The following TPP2 variants were observed in gnomAD, a reference collection of about 807,000 sequenced individuals.
TPP2 encodes tripeptidyl peptidase 2, also known as tripeptidyl-peptidase 2.
A neutral mutation model predicts 155.9 loss-of-function variants in TPP2; 34 were observed. The observed-to-expected ratio is 0.22, with a 90% CI of 0.17 to 0.29. TPP2 has a LOEUF of 0.29. TPP2 is among the 10% of genes least tolerant of loss of function. TPP2 has a pLI of 1.00. For missense variants in TPP2, 1,028 were observed against 1,522.3 expected (o/e 0.68, Z 5.40); for synonymous variants, 510 against 529.4 (o/e 0.96, Z 0.50).
intron 27 of TPP2, among the ~76,000 whole-genome samples, chr13:102,669,518 G>T (rs573992273): frequency 3.9e-5 from 6 of 152,296 alleles, no homozygotes; most frequent in Admixed American, 1.3e-4. Flanking sequence ...GTGAGAATTG[G>T]TATCAACGGA....
At chr13:102,642,344 A>G (rs1402977182) in intron 16 of TPP2, among the ~76,000 whole-genome samples, 1 of 152,116 alleles carries the variant, frequency 6.6e-6, no homozygotes, top group Non-Finnish European at 1.5e-5. Flanking sequence ...ATACAAATCT[A>G]TGGTTAATTA....
intron 6 of TPP2, among the ~76,000 whole-genome samples, chr13:102,624,852 CTTTTTTTTTTTTTTTTT>C (rs1029486604): frequency 3.6e-5 from 3 of 83,426 alleles, no homozygotes; most frequent in African/African-American, 1.6e-4. Flanking sequence ...TTTTTTTTTC[CTTTTTTTTTTTTTTTTT>C]TTTTTTTGAG....
intron 1 of TPP2, among the ~76,000 whole-genome samples, chr13:102,603,677 T>C (rs878945651): frequency 2.0e-5 from 3 of 152,198 alleles, no homozygotes; most frequent in South Asian, 2.1e-4. Flanking sequence ...CATGAATACA[T>C]TGATGGGCTT....
Position 102,674,368 on chromosome 13 carries a change from G to T in TPP2, c.3457G>T (p.Ala1153Ser). 1 of 1,613,936 alleles carries T rather than the reference G, an allele frequency of 6.2e-7. No homozygotes were observed. The highest frequency in any genetic ancestry group is 8.5e-7 in the Non-Finnish European group (1 of 1,179,856). ...ALADHLLHTQ[A>S]QDGAISTDAE... is the part of the protein sequence containing the mutation. ...GGCAGACCATCTTCTTCACACCCAG[G>T]CTCAAGACGGAGCCATTTCCACTGA... Residue 1153 changes from alanine (A) to serine (S), a missense_variant, in exon 28 of 30, where the codon GCT (alanine) becomes TCT (serine). By Grantham distance (99) the Ala-to-Ser change is moderately conservative (BLOSUM62 1). This residue lies in a region of TPP2 where 116 missense variants were observed against 117.3 expected (regional missense o/e 0.99). Transcript: ENST00000376052.
Position 102,646,534 on chromosome 13 carries a change from C to T in TPP2, c.2490+144C>T. 4 of 572,340 alleles carry T rather than the reference C, an allele frequency of 7.0e-6. No homozygotes were observed. The South Asian group carries it at 1.1e-4, about 15-fold the overall frequency. 35.5% of individuals were successfully genotyped at this position (572,340 alleles called of 1,614,324 possible). A position where few individuals can be genotyped will look rare whatever the true frequency, so the allele number is the denominator to read the frequency against. On this transcript the variant is annotated intron_variant, in intron 20 of 29. Transcript: ENST00000376052. ...GATTAACAGTTAATTTGGAATTACT[C>T]TTTAGGAAATTATAATTTGTAATTA...
rs1342878305 is a variant in TPP2, at chr13:102,679,664, G to C, written c.*1348G>C. On this transcript the variant is annotated 3_prime_UTR_variant, in exon 30 of 30. Transcript: ENST00000376052. ...TAGGGTCCAAAGTCTATCCATGAAAGCTACATGCATGTTCTCTCTCACACA... is the reference window on the plus strand; with the variant it reads ...TAGGGTCCAAAGTCTATCCATGAAACCTACATGCATGTTCTCTCTCACACA... The C allele has an allele frequency of 6.6e-6, 1 of 152,192 alleles. No individual in the cohort carries two copies. The highest frequency in any genetic ancestry group is 1.5e-5 in the Non-Finnish European group (1 of 68,048). The allele number at this position is 152,192 out of a possible 1,614,324, so 9.4% of individuals were successfully genotyped here.
At chr13:102,660,703 C>T (rs1166061252) in intron 25 of TPP2, among the ~76,000 whole-genome samples, 1 of 152,160 alleles carries the variant, frequency 6.6e-6, no homozygotes, top group African/African-American at 2.4e-5. Context: ...CAAAGTAGGG[C>T]TCACACTTCC....
intron 6 of TPP2, among the ~76,000 whole-genome samples, chr13:102,624,132 G>A (rs1170715642): frequency 6.6e-6 from 1 of 152,108 alleles, no homozygotes; most frequent in Non-Finnish European, 1.5e-5. Flanking sequence ...GATAAAACTT[G>A]TAAAATTCTA....
At chr13:102,635,813 G>A in intron 12 of TPP2, 111 bp downstream of exon 12, 1 of 801,934 alleles carries the variant, frequency 1.2e-6, no homozygotes, top group Non-Finnish European at 2.0e-6. Context: ...TCTGAATTAT[G>A]GATTATATGG....
intron 2 of TPP2, 146 bp from the exon 3 acceptor site, chr13:102,613,955 A>T: frequency 5.1e-6 from 3 of 587,814 alleles, no homozygotes; most frequent in Non-Finnish European, 8.8e-6. Flanking sequence ...AACTACTTAG[A>T]GTATTAAACA....
chr13:102,638,274 T>A lies in TPP2; in HGVS notation c.1872T>A (p.Gly624=). Residue 624 remains glycine, a synonymous_variant, in exon 15 of 30, where the codon GGT becomes GGA. Coordinates refer to ENST00000376052, the MANE Select transcript of TPP2 (RefSeq NM_001330588.2). ...CGYDIASPNA[G]PLFRVPITAV... is the part of the protein sequence containing the mutation. ...ATGATATAGCATCCCCTAACGCAGG[T>A]CCGCTCTTCAGAGTTCCGATCACTG... 6.2e-7 allele frequency: 1 copy of A among 1,613,014 alleles called. No homozygotes were observed.
At chr13:102,606,604 C>A (rs922847176) in intron 2 of TPP2, among the ~76,000 whole-genome samples, 6 of 152,216 alleles carry the variant, frequency 3.9e-5, no homozygotes, top group African/African-American at 1.4e-4. Context: ...AAAGAACTCA[C>A]CTGATTAGTT....
rs193179050 is a variant in TPP2, at chr13:102,631,097, A to G, written c.1244+902A>G. Among the ~76,000 whole-genome samples the G allele has an allele frequency of 3.2e-3, 484 of 152,318 alleles. 4 individuals are homozygous for G. Among genetic ancestry groups the G allele is most frequent in the African/African-American group, 0.011 (463 of 41,566 alleles). On this transcript the variant is annotated intron_variant, in intron 10 of 29. Coordinates refer to ENST00000376052, the MANE Select transcript of TPP2 (RefSeq NM_001330588.2). ...GTTCTATATGCCAAGAATAACATGA[A>G]CCCAAAGATGAGCAGGTTTCAGTGT...
At position 102,644,614 on chromosome 13, in the gene TPP2, A is replaced by C. The variant is rs748661296; in HGVS notation, c.2233A>C (p.Asn745His). 2 of 1,613,272 alleles carry C rather than the reference A, an allele frequency of 1.2e-6. No homozygotes were observed. The highest frequency in any genetic ancestry group is 1.1e-5 in the South Asian group (1 of 90,822). The change falls in exon 18 of 30, where the codon AAC (asparagine) becomes CAC (histidine). Residue 745 changes from asparagine to histidine, a missense_variant. Asn to His is a moderately conservative substitution (Grantham distance 68). Coordinates refer to ENST00000376052, the MANE Select transcript of TPP2 (RefSeq NM_001330588.2). Reference protein sequence around the residue: ...ARWWASLSDVNIDYTISFHGI... With the variant: ...ARWWASLSDVHIDYTISFHGI... The stretch of plus-strand genomic sequence containing the variant: ...TTGGTGGGCAAGTCTCAGTGATGTC[A>C]ACATTGATTATACCATTTCTTTCCA...
chr13:102,663,629 C>A lies in TPP2; in HGVS notation c.3144-19C>A. On this transcript the variant is annotated intron_variant, in intron 25 of 29. Transcript: ENST00000376052. The stretch of plus-strand genomic sequence containing the variant: ...TTAAAAGAAAAAAGTAAATATTTCT[C>A]TCCTTCTTACATACATAGGCTGGAT... The A allele has an allele frequency of 6.5e-7, 1 of 1,527,760 alleles. No individual in the cohort carries two copies. Among genetic ancestry groups the A allele is most frequent in the Non-Finnish European group, 8.8e-7 (1 of 1,132,740 alleles). The allele number at this position is 1,527,760 out of a possible 1,614,324, so 94.6% of individuals were successfully genotyped here.
At chr13:102,610,307 C>T (rs949292778) in intron 2 of TPP2, among the ~76,000 whole-genome samples, 14 of 152,050 alleles carry the variant, frequency 9.2e-5, no homozygotes, top group Admixed American at 2.6e-4. Flanking sequence ...TGGCTCACTG[C>T]AACCTCCGTC....
At chr13:102,627,729 CTTATAAA>C (rs1881735534) in intron 7 of TPP2, 112 bp from the exon 8 acceptor site, 6 of 697,896 alleles carry the variant, frequency 8.6e-6, no homozygotes, top group African/African-American at 5.6e-5. Flanking sequence ...CTGGAGGTAA[CTTATAAA>C]TTAGAATATG....
intron 5 of TPP2, among the ~76,000 whole-genome samples, chr13:102,621,739 A>C (rs950227716): frequency 6.6e-6 from 1 of 152,188 alleles, no homozygotes; most frequent in African/African-American, 2.4e-5. Flanking sequence ...ATAGGCGGAC[A>C]CATTATGGAG....
At position 102,679,887 on chromosome 13, in the gene TPP2, C is replaced by G. The variant is rs1408656654; in HGVS notation, c.*1571C>G. 3 of 152,224 alleles carry G rather than the reference C, an allele frequency of 2.0e-5. No individual in the cohort carries two copies. The highest frequency in any genetic ancestry group is 6.5e-5 in the Admixed American group (1 of 15,292). 9.4% of individuals were successfully genotyped at this position (152,224 alleles called of 1,614,324 possible). On this transcript the variant is annotated 3_prime_UTR_variant, in exon 30 of 30. Coordinates refer to ENST00000376052, the MANE Select transcript of TPP2 (RefSeq NM_001330588.2). ...GGTAAGTACTACCTACAGCAGGAAT[C>G]AGTAACGTTTGGCCCTTTAACCCAA...
Sources: gnomAD v4.1 joint callset for allele counts (sites outside exome capture counted in the v4.1 genomes callset) on GRCh38, gnomAD v4.1.1 for gene constraint, gnomAD v4.1.1 regional missense constraint, MANE v1.5 for transcripts, NCBI Gene and HGNC (gene_info 2026-07-23, HGNC 2026-07-21) for gene names.